Variants in COL4A5 observed in about 807,000 individuals in gnomAD.
COL4A5 encodes collagen type IV alpha 5 chain.
A neutral mutation model predicts 130.2 loss-of-function variants in COL4A5; 26 were observed. The ratio of observed to expected loss-of-function variants is 0.20; its 90% CI spans 0.15 to 0.28. COL4A5 has a LOEUF of 0.28. Ranked by LOEUF, COL4A5 falls within the 10% of genes least tolerant of loss-of-function variation. The pLI, the probability that COL4A5 is intolerant of heterozygous loss-of-function variation, is 1.00. For synonymous variants in COL4A5, 496 were observed against 439.6 expected, an observed-to-expected ratio of 1.13 and a Z score of -1.60; for missense variants, 1,131 against 1,344.3, an observed-to-expected ratio of 0.84 and a Z score of 2.48.
rs927591911 is a variant in COL4A5, at chrX:108,614,603, A to C, written c.2396-308A>C. Among the ~76,000 whole-genome samples the C allele has an allele frequency of 1.5e-4, 17 of 112,149 alleles. 1 individual carries two copies. The highest frequency in any genetic ancestry group is 5.2e-4 in the African/African-American group (16 of 30,888). ...ATCTTAAAATATAGGTAACTTGAAA[A>C]TATATTTTAAACTTATGAATATATA... On this transcript the variant is annotated intron_variant, in intron 29 of 52. Transcript: ENST00000328300.
chrX:108,642,351 C>T, intron 36 of COL4A5, among the ~76,000 whole-genome samples: 1 of 110,795 alleles, frequency 9.0e-6, no homozygotes, highest in Non-Finnish European at 1.9e-5. Context: ...TTTCTAGGGC[C>T]CCACCTACCA....
At chrX:108,505,008 A>G (rs764484039) in intron 1 of COL4A5, among the ~76,000 whole-genome samples, 53 of 112,320 alleles carry the variant, frequency 4.7e-4, no homozygotes, top group Non-Finnish European at 7.0e-4. Flanking sequence ...AGGAGTAGAT[A>G]AAGAAAATGT....
chrX:108,660,937 T>C (rs1419810609), intron 37 of COL4A5, among the ~76,000 whole-genome samples: 1 of 111,942 alleles, frequency 8.9e-6, no homozygotes, highest in East Asian at 2.8e-4. Flanking sequence ...TGTAGTAACA[T>C]TGTATCACAT....
chrX:108,484,851 G>A (rs1052282462), intron 1 of COL4A5, among the ~76,000 whole-genome samples: 10 of 112,570 alleles, frequency 8.9e-5, no homozygotes, highest in African/African-American at 3.2e-4. Context: ...GTTAGCAGGT[G>A]GCGAATCCAG....
intron 36 of COL4A5, among the ~76,000 whole-genome samples, chrX:108,639,980 G>T (rs1350661123): frequency 1.8e-5 from 2 of 112,327 alleles, no homozygotes; most frequent in Non-Finnish European, 3.8e-5. Flanking sequence ...CATTATGGCA[G>T]TTCTTCAAAA....
intron 1 of COL4A5, among the ~76,000 whole-genome samples, chrX:108,471,132 T>C (rs1324162013): frequency 8.9e-6 from 1 of 111,937 alleles, no homozygotes; most frequent in African/African-American, 3.2e-5. Flanking sequence ...ATTTGGGCTC[T>C]TTTTTGGTTC....
intron 52 of COL4A5, chrX:108,695,695 T>C (rs957725627): frequency 8.5e-6 from 3 of 353,464 alleles, no homozygotes; most frequent in Non-Finnish European, 1.0e-5. Context: ...AGAAAGGTTA[T>C]GTGACCTTCC....
chrX:108,461,530 T>G (rs941580492), intron 1 of COL4A5, among the ~76,000 whole-genome samples: 1 of 112,159 alleles, frequency 8.9e-6, no homozygotes, highest in Non-Finnish European at 1.9e-5. Context: ...TATTATATTT[T>G]TCTTAGTTTT....
At chrX:108,647,668 A>T (rs190292144) in intron 36 of COL4A5, among the ~76,000 whole-genome samples, 1,609 of 111,590 alleles carry the variant, frequency 0.014, 25 homozygotes, top group African/African-American at 0.05. Context: ...CCAGTTTTCA[A>T]AGGGAATGCT....
intron 1 of COL4A5, among the ~76,000 whole-genome samples, chrX:108,517,902 A>G (rs923392009): frequency 1.8e-5 from 2 of 110,786 alleles, no homozygotes; most frequent in African/African-American, 3.3e-5. Context: ...ATCTCATTCT[A>G]TCTAATAAAT....
chrX:108,527,323 C>T (rs747619536), intron 1 of COL4A5, among the ~76,000 whole-genome samples: 1 of 111,002 alleles, frequency 9.0e-6, no homozygotes, highest in South Asian at 3.8e-4. Context: ...AAAGGTTTAC[C>T]CTAGAAGTGA....
intron 7 of COL4A5, 46 bp downstream of exon 7, chrX:108,571,512 A>C (rs777802784): frequency 8.2e-6 from 8 of 980,366 alleles, no homozygotes; most frequent in Non-Finnish European, 1.2e-5. Flanking sequence ...GAATTAACAA[A>C]AGAAGCAGAA....
chrX:108,583,475 T>A (rs1263720373), intron 17 of COL4A5, among the ~76,000 whole-genome samples: 1 of 111,794 alleles, frequency 8.9e-6, no homozygotes, highest in Admixed American at 9.5e-5. Flanking sequence ...AAGCATACAA[T>A]TACCAGATTT....
At chrX:108,680,997 A>G in intron 46 of COL4A5, 41 bp downstream of exon 46, 1 of 1,113,061 alleles carries the variant, frequency 9.0e-7, no homozygotes, top group Non-Finnish European at 1.2e-6. Flanking sequence ...TGATACTTAG[A>G]TGCTTTAAAG....
chrX:108,694,340 A>T, intron 50 of COL4A5: 2 of 151,079 alleles, frequency 1.3e-5, no homozygotes, highest in Non-Finnish European at 2.6e-5. Flanking sequence ...ATGTTTATAA[A>T]TGTCCTTTGG....
intron 37 of COL4A5, among the ~76,000 whole-genome samples, chrX:108,657,414 C>T (rs906969897): frequency 8.1e-5 from 9 of 111,422 alleles, no homozygotes; most frequent in Non-Finnish European, 1.3e-4. Flanking sequence ...TATATTAAGC[C>T]TTGAAAAATG....
intron 37 of COL4A5, among the ~76,000 whole-genome samples, chrX:108,660,342 C>G (rs2067930236): frequency 9.0e-6 from 1 of 111,210 alleles, no homozygotes; most frequent in Non-Finnish European, 1.9e-5. Flanking sequence ...ACTCTTCTAC[C>G]CTCCTGTGCA....
At chrX:108,504,510 T>A (rs1603258430) in intron 1 of COL4A5, among the ~76,000 whole-genome samples, 1 of 111,924 alleles carries the variant, frequency 8.9e-6, no homozygotes, top group African/African-American at 3.2e-5. Context: ...ATAGCCACAA[T>A]CTACAAGGAA....
intron 1 of COL4A5, among the ~76,000 whole-genome samples, chrX:108,494,508 A>T (rs1369256876): frequency 9.0e-6 from 1 of 111,579 alleles, no homozygotes; most frequent in East Asian, 2.8e-4. Flanking sequence ...CACATATGTC[A>T]TACCATTTTC....
Sources: gnomAD v4.1 joint callset for allele counts (sites outside exome capture counted in the v4.1 genomes callset) on GRCh38, gnomAD v4.1.1 for gene constraint, MANE v1.5 for transcripts, NCBI Gene and HGNC (gene_info 2026-07-23, HGNC 2026-07-21) for gene names.